GPRIN3: variants seen among roughly 807,000 people sequenced by gnomAD.
GPRIN3 encodes G protein-regulated inducer of neurite outgrowth 3.
In GPRIN3, 12 loss-of-function variants were observed where a neutral mutation model predicts 13.7. The observed-to-expected ratio is 0.87, with a 90% CI of 0.56 to 1.42. The LOEUF (loss-of-function observed/expected upper bound fraction) is 1.42. Among genes scored for constraint, GPRIN3 ranks in the 40% most tolerant of loss-of-function variants. The pLI is 0.00. For synonymous variants in GPRIN3, 377 were observed against 372.7 expected (o/e 1.01, Z -0.13); for missense variants, 1,009 against 958.7 (o/e 1.05, Z -0.69).
In GPRIN3 at chr4:89,246,373, T is replaced by A. The variant is rs567874416; in HGVS notation, c.*1407A>T. ...AGGGAAGGCTTCCCAGGGCCGTTGT[T>A]CATTCTTCCTTTCCACACTACCCCA... On this transcript the variant is annotated 3_prime_UTR_variant, in exon 2 of 2. Transcript: ENST00000609438. 1 of 152,246 alleles carries A rather than the reference T, an allele frequency of 6.6e-6. No individual in the cohort carries two copies. The highest frequency in any genetic ancestry group is 1.9e-4 in the East Asian group (1 of 5,168). The allele number at this position is 152,246 out of a possible 1,614,324, so 9.4% of individuals were successfully genotyped here.
rs1423643622 is a variant in GPRIN3, at chr4:89,237,108, C to A, written c.*10672G>T. On this transcript the variant is annotated 3_prime_UTR_variant, in exon 2 of 2. Transcript: ENST00000609438. ...GACTAAAAAAGGTGTAGGGAAATAC[C>A]ATTCTTGAGATGCCAGTACTCCCAC... 6.6e-6 allele frequency: 1 copy of A among 151,944 alleles called. No individual in the cohort carries two copies. The highest frequency in any genetic ancestry group is 1.5e-5 in the Non-Finnish European group (1 of 67,974). 9.4% of individuals were successfully genotyped at this position (151,944 alleles called of 1,614,324 possible).
intron 1 of GPRIN3, among the ~76,000 whole-genome samples, chr4:89,268,861 T>TC (rs1561203330): frequency 6.6e-6 from 1 of 152,068 alleles, no homozygotes; most frequent in African/African-American, 2.4e-5. Flanking sequence ...TCGGCACTTT[T>TC]CCCCCAGAAA....
At chr4:89,265,521 T>G (rs1019847720) in intron 1 of GPRIN3, among the ~76,000 whole-genome samples, 9 of 152,222 alleles carry the variant, frequency 5.9e-5, no homozygotes, top group African/African-American at 2.2e-4. Flanking sequence ...ATAACTATAT[T>G]TGCTCCTTGG....
intron 1 of GPRIN3, among the ~76,000 whole-genome samples, chr4:89,255,432 A>G (rs1481796738): frequency 6.6e-6 from 1 of 152,230 alleles, no homozygotes; most frequent in African/African-American, 2.4e-5. Context: ...AGTTATTCTG[A>G]CACTTGTTAA....
At chr4:89,272,482 T>C (rs911388099) in intron 1 of GPRIN3, among the ~76,000 whole-genome samples, 1 of 152,212 alleles carries the variant, frequency 6.6e-6, no homozygotes, top group Non-Finnish European at 1.5e-5. Context: ...CTTATGAAAA[T>C]GAAATTTTCT....
At chr4:89,293,747 T>C (rs912881035) in intron 1 of GPRIN3, among the ~76,000 whole-genome samples, 2 of 152,240 alleles carry the variant, frequency 1.3e-5, no homozygotes, top group Non-Finnish European at 1.5e-5. Context: ...ATGATGACTT[T>C]AGCTCCATAC....
In GPRIN3 at chr4:89,239,444, A is replaced by G. The variant is rs1439024954; in HGVS notation, c.*8336T>C. The G allele has an allele frequency of 6.6e-6, 1 of 152,194 alleles. No individual in the cohort carries two copies. Among genetic ancestry groups the G allele is most frequent in the African/African-American group, 2.4e-5 (1 of 41,450 alleles). 9.4% of individuals were successfully genotyped at this position (152,194 alleles called of 1,614,324 possible). Reference sequence around the variant, plus strand: ...GTATGCTGCACTTATAAACATGTATACTTTTATTAGTTAAAAAACACTGCC... The same window carrying G: ...GTATGCTGCACTTATAAACATGTATGCTTTTATTAGTTAAAAAACACTGCC... On this transcript the variant is annotated 3_prime_UTR_variant, in exon 2 of 2. Transcript: ENST00000609438.
At chr4:89,275,792 C>T (rs1047765709) in intron 1 of GPRIN3, among the ~76,000 whole-genome samples, 3 of 152,134 alleles carry the variant, frequency 2.0e-5, no homozygotes, top group Admixed American at 6.5e-5. Context: ...CCAGCAATGA[C>T]GAACTACAAT....
chr4:89,287,538 C>T (rs140163174), intron 1 of GPRIN3, among the ~76,000 whole-genome samples: 1 of 152,274 alleles, frequency 6.6e-6, no homozygotes, highest in African/African-American at 2.4e-5. Context: ...TACAGACTTA[C>T]TGTGGTCCCT....
intron 1 of GPRIN3, among the ~76,000 whole-genome samples, chr4:89,255,497 A>G (rs1723441881): frequency 1.3e-5 from 2 of 152,214 alleles, no homozygotes; most frequent in South Asian, 4.1e-4. Context: ...GAATATTGCA[A>G]TAGAGTAGAG....
Position 89,248,031 on chromosome 4 carries a change from C to T in GPRIN3, c.2080G>A (p.Glu694Lys), listed in dbSNP as rs759190195. 6.2e-7 allele frequency: 1 copy of T among 1,614,164 alleles called. No homozygotes were observed. Among genetic ancestry groups the T allele is most frequent in the East Asian group, 2.2e-5 (1 of 44,852 alleles). The change falls in exon 2 of 2, where the codon GAA (glutamate) becomes AAA (lysine). Residue 694 changes from glutamate (E) to lysine (K), a missense_variant. Physicochemically the swap from Glu to Lys is moderately conservative, Grantham distance 56. Transcript: ENST00000609438. ...GCGTCCAAGGATGCACCATACACTT[C>T]CCAGGTCATTCCCTGCTCATCCCAC... ...VVWDEQGMTWEVYGASLDAES... is the reference protein window; with the variant it reads ...VVWDEQGMTWKVYGASLDAES...
In GPRIN3 at chr4:89,250,072, A is replaced by G. The variant is rs1455998843; in HGVS notation, c.39T>C (p.Thr13=). 3 of 1,613,904 alleles carry G rather than the reference A, an allele frequency of 1.9e-6. No individual in the cohort carries two copies. Among genetic ancestry groups the G allele is most frequent in the East Asian group, 2.2e-5 (1 of 44,876 alleles). Residue 13 remains threonine (T), a synonymous_variant, in exon 2 of 2, where the codon ACT becomes ACC. Coordinates refer to ENST00000609438, the MANE Select transcript of GPRIN3 (RefSeq NM_198281.3). The stretch of plus-strand genomic sequence containing the variant: ...CTTTTCCGGAAGCTGCAATCAGGGA[A>G]GTTTTAGCTGATCTCAGAGGGTCAG... The part of the protein sequence containing the change: ...TVPDPLRSAK[T]SLIAASGKED...
chr4:89,301,501 C>G (rs1314614220), intron 1 of GPRIN3, among the ~76,000 whole-genome samples: 1 of 152,146 alleles, frequency 6.6e-6, no homozygotes, highest in Admixed American at 6.5e-5. Context: ...AAATATAGTT[C>G]ACACAAACAC....
chr4:89,264,674 G>A (rs1226182537), intron 1 of GPRIN3, among the ~76,000 whole-genome samples: 5 of 152,088 alleles, frequency 3.3e-5, no homozygotes, highest in Non-Finnish European at 7.4e-5. Flanking sequence ...TTAGAGATAC[G>A]AGGTGGAGGG....
intron 1 of GPRIN3, among the ~76,000 whole-genome samples, chr4:89,267,751 G>T (rs1723820149): frequency 6.6e-6 from 1 of 152,174 alleles, no homozygotes; most frequent in South Asian, 2.1e-4. Context: ...ATGCATTTGA[G>T]TTGGACTTTA....
chr4:89,288,715 A>T (rs1335055544), intron 1 of GPRIN3, among the ~76,000 whole-genome samples: 2 of 152,210 alleles, frequency 1.3e-5, no homozygotes, highest in African/African-American at 4.8e-5. Flanking sequence ...AGATATTATT[A>T]TGCAGCAAAT....
At chr4:89,270,977 T>C (rs1723935499) in intron 1 of GPRIN3, among the ~76,000 whole-genome samples, 1 of 152,124 alleles carries the variant, frequency 6.6e-6, no homozygotes, top group Non-Finnish European at 1.5e-5. Flanking sequence ...GTGGTCAGGC[T>C]GTGAAGTGGA....
intron 1 of GPRIN3, among the ~76,000 whole-genome samples, chr4:89,295,621 CTG>C (rs1162616882): frequency 1.3e-5 from 2 of 151,980 alleles, no homozygotes; most frequent in Non-Finnish European, 2.9e-5. Flanking sequence ...GAAAATAAGC[CTG>C]TGAATGAAGA....
At chr4:89,286,847 T>C (rs1246955491) in intron 1 of GPRIN3, among the ~76,000 whole-genome samples, 1 of 152,206 alleles carries the variant, frequency 6.6e-6, no homozygotes, top group East Asian at 1.9e-4. Context: ...CTACTCCAGC[T>C]GGACCCAGTG....
Sources: allele counts gnomAD v4.1 joint callset (sites outside exome capture counted in the v4.1 genomes callset), GRCh38; gene constraint gnomAD v4.1.1; transcripts MANE v1.5; gene names NCBI Gene and HGNC (gene_info 2026-07-23, HGNC 2026-07-21).